Variants in ZFAND3 observed in about 807,000 individuals in gnomAD.
The protein encoded by ZFAND3 is zinc finger AN1-type containing 3, also known as AN1-type zinc finger protein 3.
In ZFAND3, 10 loss-of-function variants were observed where a neutral mutation model predicts 29.6. The observed-to-expected ratio is 0.34, with a 90% confidence interval of 0.21 to 0.57. The LOEUF (loss-of-function observed/expected upper bound fraction) is 0.57, where lower values mean the gene tolerates loss of function less well. Among genes scored for constraint, ZFAND3 ranks in the 20% least tolerant of loss-of-function variants. ZFAND3 has a pLI of 0.86. For synonymous variants in ZFAND3, 128 were observed against 112.6 expected (o/e 1.14, Z -0.87); for missense variants, 230 against 304.5 (o/e 0.76, Z 1.82).
intron 1 of ZFAND3, among the ~76,000 whole-genome samples, chr6:37,821,164 T>A (rs1763660297): frequency 6.6e-6 from 1 of 152,242 alleles, no homozygotes; most frequent in African/African-American, 2.4e-5. Context: ...TAGGAATGGT[T>A]AACAGAAATT....
intron 1 of ZFAND3, among the ~76,000 whole-genome samples, chr6:37,881,412 A>G (rs546950360): frequency 7.8e-4 from 119 of 152,250 alleles, no homozygotes; most frequent in African/African-American, 2.1e-3. Flanking sequence ...TTAAAGACCT[A>G]GTTGGGTGGC....
At chr6:37,858,953 G>A (rs555540455) in intron 1 of ZFAND3, among the ~76,000 whole-genome samples, 1 of 152,328 alleles carries the variant, frequency 6.6e-6, no homozygotes, top group East Asian at 1.9e-4. Flanking sequence ...CCAGCATTGT[G>A]CATGTCGTAC....
In ZFAND3 at chr6:38,050,385, A is replaced by G. The variant is rs182907812; in HGVS notation, c.113-11208A>G. 7.9e-5 allele frequency among the ~76,000 whole-genome samples: 12 copies of G among 152,082 alleles called. No individual in the cohort carries two copies. In the East Asian group the frequency reaches 1.6e-3, roughly 20 times the overall value. On this transcript the variant is annotated intron_variant, in intron 2 of 5. Coordinates refer to ENST00000287218, the MANE Select transcript of ZFAND3 (RefSeq NM_021943.3). ...TCAGCCTTTCTAGTAGCCAGGTGAT[A>G]TGGTTTGGCTGTGTCCCCACCCAAA...
At chr6:37,865,108 G>C (rs1046372262) in intron 1 of ZFAND3, among the ~76,000 whole-genome samples, 1 of 152,152 alleles carries the variant, frequency 6.6e-6, no homozygotes, top group Non-Finnish European at 1.5e-5. Flanking sequence ...AACCTGGGAG[G>C]TGGAGGTTTC....
intron 4 of ZFAND3, among the ~76,000 whole-genome samples, chr6:38,083,170 T>TA (rs1176444419): frequency 1.3e-5 from 2 of 152,150 alleles, no homozygotes; most frequent in East Asian, 1.9e-4. Flanking sequence ...TTTCATAACT[T>TA]AAAAAATCCT....
intron 2 of ZFAND3, among the ~76,000 whole-genome samples, chr6:38,002,100 G>A (rs1762958167): frequency 1.3e-5 from 2 of 152,076 alleles, no homozygotes; most frequent in African/African-American, 2.4e-5. Flanking sequence ...GAATACTCAA[G>A]AGATGTTGTT....
At chr6:37,892,951 A>C (rs749611823) in intron 1 of ZFAND3, among the ~76,000 whole-genome samples, 1 of 152,204 alleles carries the variant, frequency 6.6e-6, no homozygotes, top group Non-Finnish European at 1.5e-5. Flanking sequence ...AGATTGATTC[A>C]GTAATTAAAA....
intron 3 of ZFAND3, among the ~76,000 whole-genome samples, chr6:38,063,386 C>T (rs556489474): frequency 6.6e-6 from 1 of 152,182 alleles, no homozygotes; most frequent in South Asian, 2.1e-4. Context: ...TTGATAATGT[C>T]TGGAGACCAG....
At chr6:37,975,698 A>G (rs1473972870) in intron 2 of ZFAND3, among the ~76,000 whole-genome samples, 1 of 152,114 alleles carries the variant, frequency 6.6e-6, no homozygotes, top group South Asian at 2.1e-4. Context: ...TCAGTTGTCC[A>G]TATATGTGGG....
chr6:37,839,767 C>T (rs1004098182), intron 1 of ZFAND3, among the ~76,000 whole-genome samples: 6 of 152,000 alleles, frequency 3.9e-5, no homozygotes, highest in African/African-American at 9.7e-5. Context: ...CCTGCCTCCG[C>T]CTCCCAAAGT....
chr6:38,002,701 C>G (rs537739896), intron 2 of ZFAND3: 25 of 152,022 alleles, frequency 1.6e-4, no homozygotes, highest in Non-Finnish European at 3.5e-4. Context: ...ATAAAACACC[C>G]TATGATAGTC....
At chr6:37,851,312 C>G (rs576575616) in intron 1 of ZFAND3, among the ~76,000 whole-genome samples, 2 of 152,122 alleles carry the variant, frequency 1.3e-5, no homozygotes, top group Admixed American at 6.6e-5. Context: ...CTTACTAGAG[C>G]TTCTTGTTGG....
intron 2 of ZFAND3, among the ~76,000 whole-genome samples, chr6:37,986,661 C>T (rs927207046): frequency 2.6e-5 from 4 of 152,096 alleles, no homozygotes; most frequent in African/African-American, 7.2e-5. Flanking sequence ...TATTTATTTT[C>T]GCATTTTCGC....
chr6:38,080,115 A>G lies in ZFAND3; in HGVS notation c.296-2277A>G, dbSNP rs564562237. ...AATGGGAGTTGAACAATGAAAACAC[A>G]TGGACACAGAGAGGGGAACATCACA... On this transcript the variant is annotated intron_variant, in intron 3 of 5. Transcript: ENST00000287218. 7.5e-4 allele frequency among the ~76,000 whole-genome samples: 114 copies of G among 151,578 alleles called. 1 individual carries two copies. The highest frequency in any genetic ancestry group is 2.7e-3 in the African/African-American group (112 of 41,368).
chr6:38,018,791 G>A (rs193248830), intron 2 of ZFAND3, among the ~76,000 whole-genome samples: 26 of 152,228 alleles, frequency 1.7e-4, no homozygotes, highest in Non-Finnish European at 3.4e-4. Context: ...GATTATATCT[G>A]TAAGATCAAC....
chr6:37,872,774 C>A (rs1202297712), intron 1 of ZFAND3, among the ~76,000 whole-genome samples: 1 of 152,196 alleles, frequency 6.6e-6, no homozygotes, highest in Non-Finnish European at 1.5e-5. Context: ...ATCCCTTCTA[C>A]TGTTGATGGG....
intron 2 of ZFAND3, among the ~76,000 whole-genome samples, chr6:38,049,071 C>T (rs1187953671): frequency 2.0e-5 from 3 of 152,196 alleles, no homozygotes; most frequent in African/African-American, 7.2e-5. Flanking sequence ...CAGTTAGCCA[C>T]AATGACTAGC....
At chr6:38,097,751 A>G (rs1765011355) in intron 4 of ZFAND3, among the ~76,000 whole-genome samples, 1 of 152,198 alleles carries the variant, frequency 6.6e-6, no homozygotes, top group Non-Finnish European at 1.5e-5. Flanking sequence ...GTACCTGACA[A>G]TCTTGAATGA....
rs139022093 is a variant in ZFAND3, at chr6:38,149,260, A to G, written c.530-2975A>G. 2.1e-3 allele frequency among the ~76,000 whole-genome samples: 312 copies of G among 152,130 alleles called. 1 individual carries two copies. Among genetic ancestry groups the G allele is most frequent in the Middle Eastern group, 0.02 (6 of 294 alleles). On this transcript the variant is annotated intron_variant, in intron 5 of 5. Transcript: ENST00000287218. ...TTGTCTCTACAAAAATAAAGTATAAAAAAACAGCTAGGTGTGGTGATGTGT... is the reference window on the plus strand; with the variant it reads ...TTGTCTCTACAAAAATAAAGTATAAGAAAACAGCTAGGTGTGGTGATGTGT...
Sources: gnomAD v4.1 joint callset for allele counts (sites outside exome capture counted in the v4.1 genomes callset) on GRCh38, gnomAD v4.1.1 for gene constraint, MANE v1.5 for transcripts, NCBI Gene and HGNC (gene_info 2026-07-23, HGNC 2026-07-21) for gene names.